OXSR1: variants seen among roughly 807,000 people sequenced by gnomAD.
The protein encoded by OXSR1 is oxidative stress responsive kinase 1.
In OXSR1, 24 loss-of-function variants were observed where a neutral mutation model predicts 79.8. That is an observed-to-expected ratio of 0.30 (90% CI 0.22 to 0.42). The LOEUF (loss-of-function observed/expected upper bound fraction) is 0.42, where lower values mean the gene tolerates loss of function less well. Ranked by LOEUF, OXSR1 falls within the 10% of genes least tolerant of loss-of-function variation. The probability of loss-of-function intolerance (pLI) is 1.00; values close to 1 mark genes in which losing one functional copy is unlikely to be tolerated. For synonymous variants in OXSR1, 226 were observed against 209.2 expected (o/e 1.08, Z -0.69); for missense variants, 430 against 618.4 (o/e 0.70, Z 3.23).
At chr3:38,188,368 C>G (rs565584345) in intron 2 of OXSR1, among the ~76,000 whole-genome samples, 55 of 152,220 alleles carry the variant, frequency 3.6e-4, no homozygotes, top group African/African-American at 1.3e-3. Context: ...TTAACCTTTT[C>G]TTTTGAAATA....
intron 11 of OXSR1, among the ~76,000 whole-genome samples, chr3:38,239,083 T>C (rs1207758280): frequency 2.0e-5 from 3 of 152,196 alleles, no homozygotes; most frequent in African/African-American, 7.2e-5. Context: ...TCCTGTTTCA[T>C]CTCAGGCATT....
At chr3:38,185,123 GA>G (rs1293383196) in intron 2 of OXSR1, among the ~76,000 whole-genome samples, 3 of 145,100 alleles carry the variant, frequency 2.1e-5, no homozygotes, top group African/African-American at 5.2e-5. Context: ...CTCCATCTCT[GA>G]AAAAAAAATT....
upstream of OXSR1, among the ~76,000 whole-genome samples, chr3:38,164,100 TC>T (rs892355442): frequency 2.0e-5 from 3 of 152,258 alleles, no homozygotes; most frequent in South Asian, 6.2e-4. Context: ...TTCCTTTATT[TC>T]CATGGTTGAG....
At chr3:38,249,648 A>G (rs1170147451) in intron 14 of OXSR1, among the ~76,000 whole-genome samples, 2 of 152,150 alleles carry the variant, frequency 1.3e-5, no homozygotes, top group African/African-American at 4.8e-5. Context: ...CTGTGCTCAT[A>G]CAATTTTCCT....
intron 3 of OXSR1, among the ~76,000 whole-genome samples, chr3:38,193,631 T>A (rs946809199): frequency 2.6e-5 from 4 of 151,454 alleles, no homozygotes; most frequent in Admixed American, 2.6e-4. Flanking sequence ...TTTTTTTTTT[T>A]AAGAATTCCT....
intron 3 of OXSR1, among the ~76,000 whole-genome samples, chr3:38,197,587 C>G (rs1209969560): frequency 6.6e-6 from 1 of 152,122 alleles, no homozygotes; most frequent in Non-Finnish European, 1.5e-5. Flanking sequence ...AATATTGTTG[C>G]CATCTCTCTT....
At chr3:38,165,035 G>A (rs1376392009), upstream of OXSR1, 1 of 152,248 alleles carries the variant, frequency 6.6e-6, no homozygotes, top group East Asian at 1.9e-4. Flanking sequence ...TGACGGTTAC[G>A]CCGTGACGTC....
At position 38,255,327 on chromosome 3, in the gene OXSR1, G is replaced by A. The variant is rs1703343026; in HGVS notation, c.*2436G>A. ...CCAGCTGATAATATTTAATAATCTG[G>A]AGGAGAGAATAATGATGTACCAATA... On this transcript the variant is annotated 3_prime_UTR_variant, in exon 18 of 18. Transcript: ENST00000311806. 1 of 152,640 alleles carries A rather than the reference G, an allele frequency of 6.6e-6. No individual in the cohort carries two copies. Among genetic ancestry groups the A allele is most frequent in the Admixed American group, 6.5e-5 (1 of 15,282 alleles). 9.5% of individuals were successfully genotyped at this position (152,640 alleles called of 1,614,324 possible).
intron 3 of OXSR1, among the ~76,000 whole-genome samples, chr3:38,193,084 G>A (rs1224934706): frequency 6.6e-6 from 1 of 152,130 alleles, no homozygotes. Flanking sequence ...CTTTTTACTT[G>A]TCTGTTAAAT....
intron 8 of OXSR1, among the ~76,000 whole-genome samples, chr3:38,225,295 A>C (rs189701457): frequency 6.6e-4 from 100 of 152,268 alleles, no homozygotes; most frequent in African/African-American, 2.3e-3. Flanking sequence ...ATACTTAGTC[A>C]TAGGAGTAGG....
At chr3:38,233,817 C>T (rs1248320260) in intron 10 of OXSR1, among the ~76,000 whole-genome samples, 1 of 151,700 alleles carries the variant, frequency 6.6e-6, no homozygotes, top group African/African-American at 2.4e-5. Flanking sequence ...GAGGCTGAGG[C>T]AGGAGGATCG....
At chr3:38,190,480 C>T (rs1701963153) in intron 2 of OXSR1, among the ~76,000 whole-genome samples, 1 of 151,966 alleles carries the variant, frequency 6.6e-6, no homozygotes, top group Non-Finnish European at 1.5e-5. Context: ...GAGTGTTGTG[C>T]CAGGGTGTGT....
chr3:38,178,713 A>C (rs1701725240), intron 1 of OXSR1, among the ~76,000 whole-genome samples: 1 of 149,580 alleles, frequency 6.7e-6, no homozygotes, highest in Non-Finnish European at 1.5e-5. Flanking sequence ...CCTGAGCTCA[A>C]GTGATCTGCC....
intron 14 of OXSR1, 53 bp downstream of exon 14, chr3:38,247,785 G>A (rs1703173657): frequency 1.7e-6 from 2 of 1,152,044 alleles, no homozygotes; most frequent in Admixed American, 1.8e-5. Context: ...TATTCTGCAT[G>A]TGCTGTAATA....
intron 5 of OXSR1, among the ~76,000 whole-genome samples, chr3:38,216,564 G>A (rs1438091170): frequency 6.6e-6 from 1 of 152,194 alleles, no homozygotes; most frequent in African/African-American, 2.4e-5. Context: ...AGGAAAAAGT[G>A]CCTGAGAAGT....
In OXSR1 at chr3:38,198,774, T is replaced by C; in HGVS notation, c.345T>C (p.Ser115=). The stretch of plus-strand genomic sequence containing the variant: ...TTGTGGCAAAAGGGGAACACAAAAG[T>C]GGAGTCCTAGATGAATCTACCATTG... The part of the protein sequence containing the change: ...KHIVAKGEHK[S]GVLDESTIAT... Residue 115 remains serine (S), a synonymous_variant, in exon 4 of 18, where the codon AGT becomes AGC. Coordinates refer to ENST00000311806, the MANE Select transcript of OXSR1 (RefSeq NM_005109.3). 6.2e-7 allele frequency: 1 copy of C among 1,613,098 alleles called. No individual in the cohort carries two copies. Among genetic ancestry groups the C allele is most frequent in the South Asian group, 1.1e-5 (1 of 91,062 alleles).
At chr3:38,169,422 CAGCCT>C (rs1352681424) in intron 1 of OXSR1, among the ~76,000 whole-genome samples, 1 of 152,088 alleles carries the variant, frequency 6.6e-6, no homozygotes, top group Non-Finnish European at 1.5e-5. Flanking sequence ...TCTCCTGCCT[CAGCCT>C]CCTGAGTAGC....
intron 9 of OXSR1, 69 bp downstream of exon 9, chr3:38,229,804 T>G: frequency 8.5e-7 from 1 of 1,170,200 alleles, no homozygotes; most frequent in Non-Finnish European, 1.3e-6. Context: ...TTATGTTCAG[T>G]GCTTAGAAGT....
chr3:38,253,837 C>G lies in OXSR1; in HGVS notation c.*946C>G, dbSNP rs1703307933. The G allele has an allele frequency of 8.8e-6, 2 of 227,310 alleles. No homozygotes were observed. Among genetic ancestry groups the G allele is most frequent in the East Asian group, 1.7e-4 (2 of 11,896 alleles). The allele number at this position is 227,310 out of a possible 1,614,324, so 14.1% of individuals were successfully genotyped here. On this transcript the variant is annotated 3_prime_UTR_variant, in exon 18 of 18. Coordinates refer to ENST00000311806, the MANE Select transcript of OXSR1 (RefSeq NM_005109.3). ...GAGATTTCTACAGCAATAAAGGAGA[C>G]ACACACTGGGCCAGAGAGGCCTGCC...
Sources: gnomAD v4.1 joint callset for allele counts (sites outside exome capture counted in the v4.1 genomes callset) on GRCh38, gnomAD v4.1.1 for gene constraint, MANE v1.5 for transcripts, NCBI Gene and HGNC (gene_info 2026-07-23, HGNC 2026-07-21) for gene names.